Variants in SCN8A observed in about 807,000 individuals in gnomAD.
SCN8A encodes sodium channel protein type 8 subunit alpha.
In SCN8A, 30 loss-of-function variants were observed where a neutral mutation model predicts 184.1. That is an observed-to-expected ratio of 0.16 (90% CI 0.12 to 0.22). SCN8A has a LOEUF of 0.22. Ranked by LOEUF, SCN8A falls within the 10% of genes least tolerant of loss-of-function variation. The pLI is 1.00. For missense variants in SCN8A, 1,057 were observed against 2,498.9 expected, an observed-to-expected ratio of 0.42 and a Z score of 12.30; for synonymous variants, 852 against 907.0, an observed-to-expected ratio of 0.94 and a Z score of 1.09.
Position 51,807,312 on chromosome 12 carries a change from C to T in SCN8A, c.5826C>T (p.Ala1942=). 1 of 1,613,912 alleles carries T rather than the reference C, an allele frequency of 6.2e-7. No homozygotes were observed. Among genetic ancestry groups the T allele is most frequent in the Non-Finnish European group, 8.5e-7 (1 of 1,179,860 alleles). Residue 1942 remains alanine, a synonymous_variant, in exon 27 of 27, where the codon GCC becomes GCT. Transcript: ENST00000627620. This position sits in a 1 kb window ranked among gnomAD's most constrained non-coding sequence, Gnocchi z 4.5. The stretch of plus-strand genomic sequence containing the variant: ...AAAAAGAGAGCACCCCATCTACAGC[C>T]TCCCTCCCGTCCTATGACAGTGTAA... ...REKKESTPST[A]SLPSYDSVTK... is the part of the protein sequence containing the mutation.
intron 11 of SCN8A, chr12:51,712,892 G>A (rs1185187474): frequency 3.4e-5 from 54 of 1,571,270 alleles, no homozygotes; most frequent in Middle Eastern, 1.7e-4. Flanking sequence ...TTTCCACCAC[G>A]GCCAAAATTA....
chr12:51,734,482 G>A (rs1158313339), intron 12 of SCN8A, among the ~76,000 whole-genome samples: 2 of 152,260 alleles, frequency 1.3e-5, no homozygotes, highest in African/African-American at 4.8e-5. Flanking sequence ...GCAGGAACAT[G>A]CCCTTAAGAC....
At chr12:51,654,108 C>A (rs1263065106) in intron 1 of SCN8A, among the ~76,000 whole-genome samples, 1 of 152,154 alleles carries the variant, frequency 6.6e-6, no homozygotes, top group Non-Finnish European at 1.5e-5. Context: ...ATCACAGATA[C>A]AATTTGCAAA....
rs138069097 is a variant in SCN8A, at chr12:51,713,025, A to T, written c.1635+6310A>T. 5,494 of 1,559,232 alleles carry T rather than the reference A, an allele frequency of 3.5e-3. 10 individuals carry two copies. Among genetic ancestry groups the T allele is most frequent in the Non-Finnish European group, 4.5e-3 (5,159 of 1,134,400 alleles). ...AAAGGGCCTTTTTCACTTCACAATT[A>T]TGCCCATTAATAGTGTGGTATTTCT... is the stretch of plus-strand genomic sequence containing the variant. On this transcript the variant is annotated intron_variant, in intron 11 of 26. Transcript: ENST00000627620.
chr12:51,615,939 C>T (rs1939827450), intron 1 of SCN8A, among the ~76,000 whole-genome samples: 2 of 151,996 alleles, frequency 1.3e-5, no homozygotes. Context: ...ACTGTGTTGC[C>T]CAGGCTGGTC....
At chr12:51,660,363 T>C (rs575429945) in intron 1 of SCN8A, among the ~76,000 whole-genome samples, 1 of 152,366 alleles carries the variant, frequency 6.6e-6, no homozygotes, top group Admixed American at 6.5e-5. Flanking sequence ...CACAAGAATT[T>C]GTCAGCATCT....
chr12:51,799,162 C>T (rs1938490622), intron 26 of SCN8A, among the ~76,000 whole-genome samples: 1 of 152,236 alleles, frequency 6.6e-6, no homozygotes, highest in South Asian at 2.1e-4. Flanking sequence ...ATGAGGCCAT[C>T]TCTGCAGGCT....
intron 26 of SCN8A, among the ~76,000 whole-genome samples, chr12:51,798,963 G>T (rs1251683435): frequency 6.6e-6 from 1 of 152,218 alleles, no homozygotes; most frequent in Non-Finnish European, 1.5e-5. Context: ...TGCACAGCCA[G>T]GTGCACTGCT....
intron 12 of SCN8A, among the ~76,000 whole-genome samples, chr12:51,742,793 G>T (rs767684297): frequency 6.6e-6 from 1 of 151,928 alleles, no homozygotes. Flanking sequence ...CTTTCTATCC[G>T]TATCTCTTTC....
At position 51,607,375 on chromosome 12, in the gene SCN8A, G is replaced by C. The variant is rs553037129; in HGVS notation, c.-55+16016G>C. Among the ~76,000 whole-genome samples the C allele has an allele frequency of 3.9e-5, 6 of 152,298 alleles. No homozygotes were observed. The East Asian group carries it at 1.2e-3, about 29-fold the overall frequency. On this transcript the variant is annotated intron_variant, in intron 1 of 26. Transcript: ENST00000627620. ...TAAATGATCATATCGTCAGCAAATA[G>C]TGACAGTTTCACTTCCTCTTTACTG... is the stretch of plus-strand genomic sequence containing the variant.
At chr12:51,702,271 G>A (rs1249410840) in intron 8 of SCN8A, among the ~76,000 whole-genome samples, 2 of 145,754 alleles carry the variant, frequency 1.4e-5, no homozygotes, top group Admixed American at 6.9e-5. Flanking sequence ...GCAGTGACCC[G>A]AGATCATGCC....
At chr12:51,650,307 A>G (rs542488935) in intron 1 of SCN8A, among the ~76,000 whole-genome samples, 1 of 152,202 alleles carries the variant, frequency 6.6e-6, no homozygotes, top group African/African-American at 2.4e-5. Flanking sequence ...CCTGTTATCA[A>G]ATTCCAAAGT....
intron 12 of SCN8A, chr12:51,722,203 CCTATCAACTCCTTCCTTT>C: frequency 1.9e-6 from 1 of 530,726 alleles, no homozygotes; most frequent in African/African-American, 1.9e-5. Context: ...TTCCTTCTCC[CCTATCAACTCCTTCCTTT>C]ATTTTACCGT....
chr12:51,613,240 G>A (rs944415685), intron 1 of SCN8A, among the ~76,000 whole-genome samples: 3 of 152,038 alleles, frequency 2.0e-5, no homozygotes, highest in Non-Finnish European at 4.4e-5. Context: ...CTGAGCCTAG[G>A]GTTTTCTTTG....
In SCN8A at chr12:51,746,043, C is replaced by A; in HGVS notation, c.2131+8C>A. The A allele has an allele frequency of 6.3e-7, 1 of 1,589,366 alleles. No homozygotes were observed. The highest frequency in any genetic ancestry group is 1.2e-5 in the South Asian group (1 of 85,214). ...CAAATACACTAGTAGAAGGTATGTG[C>A]CCTATAATGTCAGTCCAACCGCTGA... is the stretch of plus-strand genomic sequence containing the variant. On this transcript the variant is annotated splice_region_variant and intron_variant, in intron 13 of 26. Coordinates refer to ENST00000627620, the MANE Select transcript of SCN8A (RefSeq NM_001330260.2).
At chr12:51,622,001 T>C (rs1355678211) in intron 1 of SCN8A, among the ~76,000 whole-genome samples, 1 of 152,182 alleles carries the variant, frequency 6.6e-6, no homozygotes, top group Non-Finnish European at 1.5e-5. Context: ...CAAGACAGTA[T>C]CTCAAGTGCA....
At chr12:51,598,701 G>A (rs1939399449) in intron 1 of SCN8A, among the ~76,000 whole-genome samples, 1 of 152,082 alleles carries the variant, frequency 6.6e-6, no homozygotes, top group South Asian at 2.1e-4. Context: ...CTGTCTCCCA[G>A]TCATGCAGTA....
intron 1 of SCN8A, among the ~76,000 whole-genome samples, chr12:51,622,643 T>C (rs554619803): frequency 3.9e-5 from 6 of 152,348 alleles, no homozygotes; most frequent in African/African-American, 1.4e-4. Context: ...ACATGACTTA[T>C]TACAGATAAT....
chr12:51,599,571 T>G (rs1212193900), intron 1 of SCN8A, among the ~76,000 whole-genome samples: 1 of 152,232 alleles, frequency 6.6e-6, no homozygotes, highest in African/African-American at 2.4e-5. Flanking sequence ...TTTTGAAGTT[T>G]CATTCATAAC....
Sources: allele counts gnomAD v4.1 joint callset (sites outside exome capture counted in the v4.1 genomes callset), GRCh38; gene constraint gnomAD v4.1.1; non-coding constraint Gnocchi (gnomAD v3.1); transcripts MANE v1.5; gene names NCBI Gene and HGNC (gene_info 2026-07-23, HGNC 2026-07-21).